Variants in LRMDA observed in about 807,000 individuals in gnomAD.
The protein encoded by LRMDA is leucine-rich melanocyte differentiation-associated protein.
Under a neutral mutation model 29.8 loss-of-function variants are expected in LRMDA, and 18 were observed. The ratio of observed to expected loss-of-function variants is 0.60; its 90% CI spans 0.42 to 0.90. LRMDA has a LOEUF of 0.90. Among genes scored for constraint, LRMDA ranks in the 40% least tolerant of loss-of-function variants. The probability of loss-of-function intolerance (pLI) is 0.00; values close to 1 mark genes in which losing one functional copy is unlikely to be tolerated. For synonymous variants in LRMDA, 125 were observed against 109.4 expected (o/e 1.14, Z -0.89); for missense variants, 273 against 273.9 (o/e 1.00, Z 0.02).
intron 2 of LRMDA, among the ~76,000 whole-genome samples, chr10:75,948,006 A>G (rs2132416673): frequency 6.6e-6 from 1 of 152,344 alleles, no homozygotes; most frequent in Non-Finnish European, 1.5e-5. Flanking sequence ...CCTTAGGTCC[A>G]TAGAAGGGCC....
chr10:75,527,558 C>G (rs1035373623), intron 2 of LRMDA, among the ~76,000 whole-genome samples: 2 of 145,058 alleles, frequency 1.4e-5, no homozygotes, highest in Non-Finnish European at 3.0e-5. Flanking sequence ...TGTTGTTTTC[C>G]TTTTTTGAGA....
intron 2 of LRMDA, among the ~76,000 whole-genome samples, chr10:75,539,213 G>T (rs1839987022): frequency 6.6e-6 from 1 of 152,132 alleles, no homozygotes; most frequent in Non-Finnish European, 1.5e-5. Context: ...TTTTTCAGCA[G>T]AGCATGAAAA....
At chr10:76,323,383 T>G in intron 5 of LRMDA, among the ~76,000 whole-genome samples, 1 of 152,178 alleles carries the variant, frequency 6.6e-6, no homozygotes, top group East Asian at 1.9e-4. Flanking sequence ...TCCCATAGAA[T>G]GTATTTCCCG....
At chr10:76,494,426 T>A (rs886394483) in intron 6 of LRMDA, among the ~76,000 whole-genome samples, 2 of 151,816 alleles carry the variant, frequency 1.3e-5, no homozygotes, top group East Asian at 3.9e-4. Context: ...TTGTTTACAA[T>A]GTCCCCTTAT....
chr10:76,139,581 T>C (rs879378357), intron 5 of LRMDA, among the ~76,000 whole-genome samples: 1 of 152,218 alleles, frequency 6.6e-6, no homozygotes, highest in Admixed American at 6.5e-5. Context: ...TTTTGATATA[T>C]GTGAAGCTCT....
At chr10:76,007,017 TGTGTGTGTGTGTGTGC>T (rs145035647) in intron 2 of LRMDA, among the ~76,000 whole-genome samples, 5,399 of 117,518 alleles carry the variant, frequency 0.046, 344 homozygotes, top group African/African-American at 0.14. Context: ...TGTGTGTGTG[TGTGTGTGTGTGTGTGC>T]GCGTGTGTGT....
intron 6 of LRMDA, among the ~76,000 whole-genome samples, chr10:76,523,163 C>G (rs1843138962): frequency 6.6e-6 from 1 of 151,594 alleles, no homozygotes; most frequent in Non-Finnish European, 1.5e-5. Context: ...GGCCTGGGCA[C>G]TTAGCTCTCC....
At chr10:76,152,685 C>T (rs1850466946) in intron 5 of LRMDA, among the ~76,000 whole-genome samples, 1 of 152,138 alleles carries the variant, frequency 6.6e-6, no homozygotes, top group Admixed American at 6.6e-5. Context: ...ATCTTCACCA[C>T]TACTTGTTAT....
chr10:76,130,768 T>C (rs1322257587), intron 5 of LRMDA, among the ~76,000 whole-genome samples: 1 of 152,192 alleles, frequency 6.6e-6, no homozygotes, highest in Non-Finnish European at 1.5e-5. Context: ...TAAGCGATTC[T>C]CCTGCCTCGG....
At chr10:75,947,385 T>G (rs1030861518) in intron 2 of LRMDA, among the ~76,000 whole-genome samples, 1 of 152,162 alleles carries the variant, frequency 6.6e-6, no homozygotes, top group Non-Finnish European at 1.5e-5. Flanking sequence ...AGCTTGTCTG[T>G]TTCCCCATGC....
intron 5 of LRMDA, among the ~76,000 whole-genome samples, chr10:76,218,931 C>T (rs906385861): frequency 1.3e-5 from 2 of 152,152 alleles, no homozygotes; most frequent in African/African-American, 2.4e-5. Flanking sequence ...CTGTCCTTGC[C>T]GAGGAAACAG....
chr10:76,036,514 T>C (rs1315298556), intron 3 of LRMDA, among the ~76,000 whole-genome samples: 1 of 152,196 alleles, frequency 6.6e-6, no homozygotes, highest in African/African-American at 2.4e-5. Flanking sequence ...GAGGGCGACC[T>C]CTGGTGGGAA....
intron 2 of LRMDA, among the ~76,000 whole-genome samples, chr10:75,768,116 TG>T (rs1843192869): frequency 6.6e-6 from 1 of 152,218 alleles, no homozygotes; most frequent in Non-Finnish European, 1.5e-5. Context: ...AATGAATTTT[TG>T]TTGTTTTAAG....
intron 2 of LRMDA, among the ~76,000 whole-genome samples, chr10:75,734,463 G>A (rs1842736556): frequency 6.6e-6 from 1 of 152,152 alleles, no homozygotes. Flanking sequence ...TCCTCTCTAG[G>A]TCTCGGTCCC....
At chr10:75,782,190 T>A (rs1226200679) in intron 2 of LRMDA, among the ~76,000 whole-genome samples, 1 of 152,176 alleles carries the variant, frequency 6.6e-6, no homozygotes, top group Admixed American at 6.5e-5. Context: ...CCTTCCTTAA[T>A]CCATAATTTT....
intron 5 of LRMDA, among the ~76,000 whole-genome samples, chr10:76,077,473 T>A (rs1234341131): frequency 6.6e-6 from 1 of 152,080 alleles, no homozygotes; most frequent in East Asian, 1.9e-4. Flanking sequence ...ATGCTATCCA[T>A]GACCACTGGG....
intron 5 of LRMDA, among the ~76,000 whole-genome samples, chr10:76,076,740 G>A (rs1440012945): frequency 1.3e-5 from 2 of 152,148 alleles, no homozygotes; most frequent in Non-Finnish European, 2.9e-5. Flanking sequence ...CAGGAAAGGA[G>A]AGCTGGAGTC....
intron 2 of LRMDA, among the ~76,000 whole-genome samples, chr10:75,819,961 G>A (rs1844128817): frequency 6.6e-6 from 1 of 152,146 alleles, no homozygotes; most frequent in South Asian, 2.1e-4. Context: ...TTTGACAAGA[G>A]GATGTAACAA....
At chr10:76,137,388 G>T (rs767124257) in intron 5 of LRMDA, among the ~76,000 whole-genome samples, 3 of 152,184 alleles carry the variant, frequency 2.0e-5, no homozygotes, top group Non-Finnish European at 4.4e-5. Flanking sequence ...CTTACTTAAT[G>T]ATAGCCTCCA....
Sources: gnomAD v4.1 joint callset for allele counts (sites outside exome capture counted in the v4.1 genomes callset) on GRCh38, gnomAD v4.1.1 for gene constraint, MANE v1.5 for transcripts, NCBI Gene and HGNC (gene_info 2026-07-23, HGNC 2026-07-21) for gene names.